The following IMMP2L variants were observed in gnomAD, a reference collection of about 807,000 sequenced individuals.
The protein encoded by IMMP2L is inner mitochondrial membrane peptidase subunit 2, also known as mitochondrial inner membrane protease subunit 2.
IMMP2L carries 18 observed loss-of-function variants against 19.3 expected under a neutral mutation model. That is an observed-to-expected ratio of 0.93 (90% CI 0.64 to 1.38). IMMP2L has a LOEUF of 1.38. Among genes scored for constraint, IMMP2L ranks in the 40% most tolerant of loss-of-function variants. The probability of loss-of-function intolerance (pLI) is 0.00; values close to 1 mark genes in which losing one functional copy is unlikely to be tolerated. For synonymous variants in IMMP2L, 76 were observed against 73.0 expected (o/e 1.04, Z -0.21); for missense variants, 233 against 218.2 (o/e 1.07, Z -0.43).
intron 3 of IMMP2L, among the ~76,000 whole-genome samples, chr7:111,105,852 C>G (rs1798492570): frequency 6.6e-6 from 1 of 151,804 alleles, no homozygotes; most frequent in Non-Finnish European, 1.5e-5. Context: ...TTTATAGCAT[C>G]CCCACTTTTT....
At chr7:110,791,824 T>A (rs1010785929) in intron 5 of IMMP2L, among the ~76,000 whole-genome samples, 2 of 151,832 alleles carry the variant, frequency 1.3e-5, no homozygotes, top group African/African-American at 4.9e-5. Context: ...AAGGATGATC[T>A]GAGCACCATC....
In IMMP2L at chr7:110,701,934, T is replaced by A. The variant is rs139962863; in HGVS notation, c.409-38213A>T. 5.6e-3 allele frequency among the ~76,000 whole-genome samples: 848 copies of A among 152,096 alleles called. 8 individuals are homozygous for A. Among genetic ancestry groups the A allele is most frequent in the African/African-American group, 0.019 (798 of 41,506 alleles). On this transcript the variant is annotated intron_variant, in intron 5 of 5. Transcript: ENST00000405709. The stretch of plus-strand genomic sequence containing the variant: ...TGTGTTGCTGAATGGTTTCCTTTTT[T>A]TTATTTTTATTTTTTTTCTTGAGAC...
chr7:110,670,391 T>C (rs1004095546), intron 5 of IMMP2L, among the ~76,000 whole-genome samples: 1 of 152,104 alleles, frequency 6.6e-6, no homozygotes, highest in African/African-American at 2.4e-5. Context: ...CACACATGAA[T>C]TTAAAAAACG....
At chr7:111,415,103 G>A (rs576077244) in intron 3 of IMMP2L, among the ~76,000 whole-genome samples, 3 of 151,924 alleles carry the variant, frequency 2.0e-5, no homozygotes, top group Admixed American at 2.0e-4. Flanking sequence ...AAAGGGAGTG[G>A]GTCCTCCTTG....
Position 110,963,496 on chromosome 7 carries a change from T to C in IMMP2L, c.305+4A>G, listed in dbSNP as rs374682127. On this transcript the variant is annotated splice_donor_region_variant and intron_variant, in intron 4 of 5. Coordinates refer to ENST00000405709, the MANE Select transcript of IMMP2L (RefSeq NM_032549.4). ...TGAACTCAGAAACAACAGTAAATAC[T>C]TACCTGACAATATCTCCTTCAAGAG... 2.4e-4 allele frequency: 380 copies of C among 1,585,064 alleles called. 5 individuals are homozygous for C. In the African/African-American group the frequency reaches 4.8e-3, roughly 20 times the overall value.
chr7:111,477,924 C>T (rs965101612), intron 3 of IMMP2L, among the ~76,000 whole-genome samples: 6 of 151,954 alleles, frequency 3.9e-5, no homozygotes, highest in East Asian at 1.9e-4. Context: ...CTTTTATCTT[C>T]TTTGGTTTTC....
At chr7:110,805,270 G>C (rs906110192) in intron 5 of IMMP2L, among the ~76,000 whole-genome samples, 1 of 152,028 alleles carries the variant, frequency 6.6e-6, no homozygotes, top group Admixed American at 6.6e-5. Flanking sequence ...TCTGAAAATG[G>C]TAACTATTGT....
chr7:111,522,566 G>A (rs1431811122), intron 1 of IMMP2L, among the ~76,000 whole-genome samples: 1 of 152,018 alleles, frequency 6.6e-6, no homozygotes, highest in East Asian at 1.9e-4. Context: ...GCGCAGTCAT[G>A]AGGGAAATGC....
chr7:111,184,230 A>AG (rs968642292), intron 3 of IMMP2L, among the ~76,000 whole-genome samples: 1 of 151,972 alleles, frequency 6.6e-6, no homozygotes, highest in Non-Finnish European at 1.5e-5. Flanking sequence ...AAAGAGAAAT[A>AG]GGGGGGAAAA....
At chr7:110,723,857 GAA>G (rs75787493) in intron 5 of IMMP2L, among the ~76,000 whole-genome samples, 11 of 97,696 alleles carry the variant, frequency 1.1e-4, no homozygotes, top group Non-Finnish European at 1.1e-4. Flanking sequence ...GAGGGAAAGG[GAA>G]AAAAAAAAAA....
intron 5 of IMMP2L, among the ~76,000 whole-genome samples, chr7:110,775,974 C>T (rs144977327): frequency 5.0e-4 from 72 of 144,958 alleles, no homozygotes; most frequent in Middle Eastern, 3.5e-3. Flanking sequence ...TAAAAAAAAA[C>T]GCATGAAAAA....
chr7:110,902,481 T>C (rs1242913339), intron 4 of IMMP2L, among the ~76,000 whole-genome samples: 1 of 39,500 alleles, frequency 2.5e-5, no homozygotes, highest in Non-Finnish European at 4.4e-5. Context: ...AATGATAAAA[T>C]ATATATATAT....
intron 3 of IMMP2L, among the ~76,000 whole-genome samples, chr7:111,228,382 T>C (rs1813332605): frequency 6.7e-6 from 1 of 149,220 alleles, no homozygotes; most frequent in African/African-American, 2.5e-5. Flanking sequence ...AGGTTCTCAT[T>C]AAAAAAAAAT....
chr7:111,498,706 CA>C (rs1214502737), intron 2 of IMMP2L, among the ~76,000 whole-genome samples: 1 of 152,056 alleles, frequency 6.6e-6, no homozygotes, highest in Non-Finnish European at 1.5e-5. Flanking sequence ...TATCTGTGAA[CA>C]AATCTGTGAA....
chr7:110,858,858 G>GT (rs1298228644), intron 5 of IMMP2L, among the ~76,000 whole-genome samples: 1 of 151,846 alleles, frequency 6.6e-6, no homozygotes, highest in Non-Finnish European at 1.5e-5. Context: ...GCGGTGTTTG[G>GT]TTTTTTGTCC....
intron 3 of IMMP2L, among the ~76,000 whole-genome samples, chr7:111,085,104 G>C (rs983003219): frequency 6.6e-6 from 1 of 152,130 alleles, no homozygotes; most frequent in Non-Finnish European, 1.5e-5. Flanking sequence ...GAGAAACATA[G>C]GGAAGAATAA....
chr7:110,838,198 T>G (rs1275186378), intron 5 of IMMP2L, among the ~76,000 whole-genome samples: 2 of 152,136 alleles, frequency 1.3e-5, no homozygotes, highest in Non-Finnish European at 2.9e-5. Context: ...TTTTTTAGCA[T>G]GCACACCACA....
chr7:111,319,892 A>G (rs1193099473), intron 3 of IMMP2L, among the ~76,000 whole-genome samples: 1 of 152,036 alleles, frequency 6.6e-6, no homozygotes, highest in Non-Finnish European at 1.5e-5. Context: ...GGGAGGTCGT[A>G]ACAATGACTT....
At chr7:111,456,249 C>A (rs1435138896) in intron 3 of IMMP2L, among the ~76,000 whole-genome samples, 1 of 151,884 alleles carries the variant, frequency 6.6e-6, no homozygotes, top group African/African-American at 2.4e-5. Flanking sequence ...TGGTCTCTAG[C>A]AGAAGGGCAA....
Sources: allele counts gnomAD v4.1 joint callset (sites outside exome capture counted in the v4.1 genomes callset), GRCh38; gene constraint gnomAD v4.1.1; transcripts MANE v1.5; gene names NCBI Gene and HGNC (gene_info 2026-07-23, HGNC 2026-07-21).